Variants in CDH23 observed in about 807,000 individuals in gnomAD.
CDH23 encodes the protein cadherin related 23, also known as cadherin-23.
A neutral mutation model predicts 317.1 loss-of-function variants in CDH23; 189 were observed. That is an observed-to-expected ratio of 0.60 (90% CI 0.53 to 0.67). CDH23 has a LOEUF of 0.67. Ranked by LOEUF, CDH23 falls within the 30% of genes least tolerant of loss-of-function variation. The pLI is 0.00. For synonymous variants in CDH23, 1,839 were observed against 1,876.8 expected, an observed-to-expected ratio of 0.98 and a Z score of 0.52; for missense variants, 4,401 against 4,592.4, an observed-to-expected ratio of 0.96 and a Z score of 1.20.
At chr10:71,666,228 A>G (rs760850329) in intron 14 of CDH23, among the ~76,000 whole-genome samples, 6 of 151,288 alleles carry the variant, frequency 4.0e-5, no homozygotes, top group Non-Finnish European at 7.4e-5. Context: ...CTCTTGTTCT[A>G]CGGCCTCCCA....
In CDH23 at chr10:71,731,860, C is replaced by T. The variant is rs74516676; in HGVS notation, c.3716-127C>T. The T allele has an allele frequency of 3.9e-3, 3,506 of 910,174 alleles. 62 individuals carry two copies. The African/African-American group carries it at 0.046, about 12-fold the overall frequency. 56.4% of individuals were successfully genotyped at this position (910,174 alleles called of 1,614,324 possible). On this transcript the variant is annotated intron_variant, in intron 31 of 69. Transcript: ENST00000224721. ...GCTGCATCTCTGAGGATGATCCTGC[C>T]GGCAGAGGTGGGGCAGCCCATGCTG...
chr10:71,780,176 G>A (rs911929631), intron 41 of CDH23, among the ~76,000 whole-genome samples: 7 of 152,146 alleles, frequency 4.6e-5, no homozygotes, highest in South Asian at 2.1e-4. Flanking sequence ...TTAATTGGTC[G>A]TGCAGGAAAT....
At chr10:71,469,751 G>A (rs557148350) in intron 3 of CDH23, among the ~76,000 whole-genome samples, 3 of 152,040 alleles carry the variant, frequency 2.0e-5, no homozygotes, top group South Asian at 2.1e-4. Context: ...GAGTACAGGC[G>A]TGTGCTGCAT....
chr10:71,419,313 A>G (rs2131942609), intron 1 of CDH23, among the ~76,000 whole-genome samples: 1 of 152,262 alleles, frequency 6.6e-6, no homozygotes. Flanking sequence ...ATGGAGCAAC[A>G]TCCCTTAGCC....
chr10:71,439,861 C>T lies in CDH23; in HGVS notation c.30C>T (p.His10=), dbSNP rs572955107. 1.5e-5 allele frequency: 24 copies of T among 1,573,942 alleles called. No homozygotes were observed. The highest frequency in any genetic ancestry group is 1.5e-4 in the African/African-American group (11 of 74,180). ...GGCGCCATGTTGCCACCAGCTGCCA[C>T]GTGGCCTGGCTTTTGGTGCTGATCT... The part of the protein sequence containing the change: MGRHVATSC[H]VAWLLVLISG... The change falls in exon 2 of 70, where the codon CAC becomes CAT. Residue 10 remains histidine, a synonymous_variant. Transcript: ENST00000224721.
chr10:71,646,162 G>A (rs1258776001), intron 13 of CDH23, among the ~76,000 whole-genome samples, 182 bp downstream of exon 13: 1 of 152,164 alleles, frequency 6.6e-6, no homozygotes, highest in Non-Finnish European at 1.5e-5. Context: ...CCTTTTCCAA[G>A]GAGGAAAAGG....
intron 28 of CDH23, among the ~76,000 whole-genome samples, chr10:71,719,052 T>A (rs2132783499): frequency 6.6e-6 from 1 of 151,948 alleles, no homozygotes; most frequent in South Asian, 2.1e-4. Flanking sequence ...CGCTACAGCC[T>A]GAGCGACAGA....
intron 15 of CDH23, among the ~76,000 whole-genome samples, chr10:71,675,723 A>ACACAG (rs1174234287): frequency 6.6e-6 from 1 of 152,146 alleles, no homozygotes; most frequent in Admixed American, 6.5e-5. Flanking sequence ...CCACTAGGCT[A>ACACAG]CACAGCCTGC....
intron 3 of CDH23, among the ~76,000 whole-genome samples, chr10:71,462,002 G>T (rs944665618): frequency 6.6e-6 from 1 of 152,218 alleles, no homozygotes; most frequent in Non-Finnish European, 1.5e-5. Flanking sequence ...TCCATCACCC[G>T]CCTGGTCAGC....
intron 3 of CDH23, among the ~76,000 whole-genome samples, chr10:71,476,845 C>G (rs1564604792): frequency 6.6e-6 from 1 of 152,198 alleles, no homozygotes; most frequent in Non-Finnish European, 1.5e-5. Context: ...CACGCCTCCT[C>G]TCATGGCTCT....
intron 28 of CDH23, among the ~76,000 whole-genome samples, chr10:71,723,247 C>T (rs899506646): frequency 6.6e-6 from 1 of 152,166 alleles, no homozygotes; most frequent in East Asian, 1.9e-4. Flanking sequence ...GGTGTTTGTT[C>T]TCCACTTGTT....
intron 9 of CDH23, among the ~76,000 whole-genome samples, chr10:71,591,733 C>T (rs1019924339): frequency 1.8e-4 from 28 of 152,260 alleles, no homozygotes; most frequent in African/African-American, 6.3e-4. Flanking sequence ...TTGACTTGGG[C>T]CTTTCCTTGA....
At chr10:71,748,876 G>A (rs1839921012) in intron 38 of CDH23, 1 of 152,832 alleles carries the variant, frequency 6.5e-6, no homozygotes, top group Non-Finnish European at 1.5e-5. Context: ...GGCAGGGCCT[G>A]TGGCCATGGA....
At chr10:71,692,976 T>A (rs1865241668) in intron 20 of CDH23, among the ~76,000 whole-genome samples, 1 of 152,218 alleles carries the variant, frequency 6.6e-6, no homozygotes, top group African/African-American at 2.4e-5. Flanking sequence ...CTCCATTTTA[T>A]AGATGAGAAA....
At chr10:71,788,527 C>T (rs1427474143) in intron 44 of CDH23, among the ~76,000 whole-genome samples, 1 of 151,994 alleles carries the variant, frequency 6.6e-6, no homozygotes, top group Admixed American at 6.5e-5. Flanking sequence ...GTGATATCCG[C>T]TCGCTGCAAG....
At chr10:71,660,126 A>T (rs1863586329) in intron 14 of CDH23, among the ~76,000 whole-genome samples, 1 of 151,844 alleles carries the variant, frequency 6.6e-6, no homozygotes, top group African/African-American at 2.4e-5. Context: ...ACACCCAGCT[A>T]ATTTTTGTAT....
At chr10:71,498,592 G>A (rs1305132335) in intron 3 of CDH23, among the ~76,000 whole-genome samples, 2 of 152,248 alleles carry the variant, frequency 1.3e-5, no homozygotes, top group South Asian at 4.1e-4. Context: ...GGGACAGCAG[G>A]TGCCCAGGCA....
At chr10:71,457,540 C>A (rs1369109918) in intron 3 of CDH23, among the ~76,000 whole-genome samples, 9 of 152,192 alleles carry the variant, frequency 5.9e-5, no homozygotes, top group Non-Finnish European at 1.0e-4. Context: ...TAGGAAAGAG[C>A]CTCAGTGGCC....
At chr10:71,720,595 C>A in intron 28 of CDH23, among the ~76,000 whole-genome samples, 1 of 152,226 alleles carries the variant, frequency 6.6e-6, no homozygotes, top group East Asian at 1.9e-4. Flanking sequence ...AGTCATGGCC[C>A]TGTCCAAGAC....
Sources: gnomAD v4.1 joint callset for allele counts (sites outside exome capture counted in the v4.1 genomes callset) on GRCh38, gnomAD v4.1.1 for gene constraint, MANE v1.5 for transcripts, NCBI Gene and HGNC (gene_info 2026-07-23, HGNC 2026-07-21) for gene names.